TSGA10IP: variants seen among roughly 807,000 people sequenced by gnomAD.
TSGA10IP encodes testis specific 10 interacting protein.
TSGA10IP carries 64 observed loss-of-function variants against 63.2 expected under a neutral mutation model. The observed-to-expected ratio is 1.01, with a 90% CI of 0.83 to 1.25. TSGA10IP has a LOEUF of 1.25. Ranked by LOEUF, TSGA10IP falls within the 50% of genes most tolerant of loss-of-function variation. The pLI is 0.00. For synonymous variants in TSGA10IP, 316 were observed against 298.3 expected (o/e 1.06, Z -0.61); for missense variants, 681 against 710.1 (o/e 0.96, Z 0.47).
rs374886045 is a variant in TSGA10IP, at chr11:65,948,282, A to ATCCG, written c.1151+137_1151+138insGTCC. ...CATTCACCAAACTTTTGGATCATCC[A>ATCCG]TCCATCCATCCATCCATCCATCCAT... On this transcript the variant is annotated intron_variant, in intron 4 of 7. Coordinates refer to ENST00000532620, the Ensembl canonical transcript of TSGA10IP. 3,263 of 723,326 alleles carry ATCCG rather than the reference A, an allele frequency of 4.5e-3. 86 individuals carry two copies. In the African/African-American group the frequency reaches 0.054, roughly 12 times the overall value. The allele number at this position is 723,326 out of a possible 1,614,324, so 44.8% of individuals were successfully genotyped here.
At chr11:65,953,509 C>T (rs896703601) in intron 4 of TSGA10IP, 58 bp from the exon 5 acceptor site, 117 of 1,489,378 alleles carry the variant, frequency 7.9e-5, no homozygotes, top group Middle Eastern at 7.2e-4. Flanking sequence ...GCCCCTGGCC[C>T]TCCGTGAGGC....
chr11:65,952,573 C>G (rs1415902591), intron 4 of TSGA10IP, among the ~76,000 whole-genome samples: 1 of 152,036 alleles, frequency 6.6e-6, no homozygotes, highest in Non-Finnish European at 1.5e-5. Flanking sequence ...CTTAACCTCC[C>G]GAGTAGCTAG....
At chr11:65,954,135 G>A (rs555207251) in intron 5 of TSGA10IP, among the ~76,000 whole-genome samples, 6 of 151,478 alleles carry the variant, frequency 4.0e-5, no homozygotes, top group African/African-American at 1.2e-4. Flanking sequence ...GAAGAGTCGC[G>A]TTTTGTTCTC....
At chr11:65,953,804 T>C in intron 5 of TSGA10IP, 67 bp downstream of exon 5, 1 of 1,326,118 alleles carries the variant, frequency 7.5e-7, no homozygotes, top group Non-Finnish European at 9.9e-7. Flanking sequence ...GGTCTCAGTC[T>C]ACAGGACCGA....
exon 7 of TSGA10IP, chr11:65,959,297 C>T (rs777380389): frequency 3.2e-5 from 52 of 1,611,270 alleles, no homozygotes; most frequent in Non-Finnish European, 4.3e-5. Flanking sequence ...ACAGAGAGGG[C>T]ACCCCCAGGA....
intron 4 of TSGA10IP, among the ~76,000 whole-genome samples, chr11:65,953,064 CTT>C (rs1169430753): frequency 8.4e-6 from 1 of 119,138 alleles, no homozygotes; most frequent in Admixed American, 9.7e-5. Flanking sequence ...GAGTTTTGCT[CTT>C]GTTGCCCAGG....
chr11:65,956,401 T>C (rs1855025316), intron 5 of TSGA10IP, among the ~76,000 whole-genome samples: 1 of 152,010 alleles, frequency 6.6e-6, no homozygotes, highest in East Asian at 1.9e-4. Context: ...CCTCCCAAAG[T>C]GCTAGGATTA....
chr11:65,955,119 G>A lies in TSGA10IP; in HGVS notation c.1322+1382G>A, dbSNP rs141827232. Among the ~76,000 whole-genome samples the A allele has an allele frequency of 2.0e-4, 31 of 152,316 alleles. No individual in the cohort carries two copies. In the East Asian group the frequency reaches 5.8e-3, roughly 28 times the overall value. ...AGCCTAGCTGTGTATGCGGAACCCC[G>A]AGAAGTCCTTAGCTCCCTCCAAGGC... On this transcript the variant is annotated intron_variant, in intron 5 of 7. Transcript: ENST00000532620.
chr11:65,955,699 A>G (rs1831432347), intron 5 of TSGA10IP, among the ~76,000 whole-genome samples: 1 of 151,810 alleles, frequency 6.6e-6, no homozygotes, highest in East Asian at 1.9e-4. Flanking sequence ...GGCTTCATAC[A>G]AGGGGAAAAG....
intron 5 of TSGA10IP, among the ~76,000 whole-genome samples, chr11:65,954,962 G>A (rs1056461636): frequency 6.6e-6 from 1 of 152,194 alleles, no homozygotes; most frequent in African/African-American, 2.4e-5. Context: ...GTGGACCTGT[G>A]GTGGGCGCAT....
At chr11:65,950,559 A>AT (rs1479186131) in intron 4 of TSGA10IP, among the ~76,000 whole-genome samples, 8 of 142,644 alleles carry the variant, frequency 5.6e-5, no homozygotes, top group African/African-American at 2.2e-4. Context: ...ATGCCTGGCT[A>AT]ATTTTTTTTT....
exon 3 of TSGA10IP, chr11:65,947,553 T>G: frequency 6.2e-7 from 1 of 1,613,670 alleles, no homozygotes; most frequent in South Asian, 1.1e-5. Context: ...AGGGGGTCGA[T>G]CTCAGAGGAG....
intron 4 of TSGA10IP, 77 bp downstream of exon 4, chr11:65,948,225 C>A: frequency 2.0e-6 from 3 of 1,464,140 alleles, no homozygotes; most frequent in Non-Finnish European, 2.7e-6. Context: ...GATGCTTAGG[C>A]ATTTGAACTC....
At chr11:65,959,006 A>G (rs1161858535) in intron 6 of TSGA10IP, 24 bp downstream of exon 6, 5 of 1,610,730 alleles carry the variant, frequency 3.1e-6, no homozygotes, top group South Asian at 1.1e-5. Flanking sequence ...CTGGGCAAGC[A>G]CATAGCTGCC....
At chr11:65,952,053 C>T (rs1457988410) in intron 4 of TSGA10IP, among the ~76,000 whole-genome samples, 1 of 152,020 alleles carries the variant, frequency 6.6e-6, no homozygotes, top group African/African-American at 2.4e-5. Flanking sequence ...AGGGTTTCAC[C>T]ATGTTGGCCA....
exon 3 of TSGA10IP, chr11:65,947,560 G>C: frequency 1.2e-6 from 2 of 1,613,922 alleles, no homozygotes; most frequent in Non-Finnish European, 1.7e-6. Flanking sequence ...CGATCTCAGA[G>C]GAGGAGCAAT....
intron 5 of TSGA10IP, among the ~76,000 whole-genome samples, chr11:65,955,329 T>C (rs1855005892): frequency 6.6e-6 from 1 of 152,114 alleles, no homozygotes; most frequent in African/African-American, 2.4e-5. Context: ...TACTCGGCTG[T>C]ACGCCGTGGC....
chr11:65,947,079 C>A (rs750651592), intron 2 of TSGA10IP, 31 bp from the exon 3 acceptor site: 6 of 1,608,104 alleles, frequency 3.7e-6, no homozygotes, highest in Non-Finnish European at 3.4e-6. Context: ...GGGCTGGCGC[C>A]GACCCTGACC....
At position 65,959,175 on chromosome 11, in the gene TSGA10IP, C is replaced by A. The variant is rs778637522; in HGVS notation, c.1423-15C>A. The A allele has an allele frequency of 6.2e-7, 1 of 1,600,150 alleles. No homozygotes were observed. Reference sequence around the variant, plus strand: ...GCCCTGGTGCAGAGCAGGAAGCCGTCTTCTCTCTCCTCAGGCCAATGCCCG... The same window carrying A: ...GCCCTGGTGCAGAGCAGGAAGCCGTATTCTCTCTCCTCAGGCCAATGCCCG... On this transcript the variant is annotated splice_polypyrimidine_tract_variant and intron_variant, in intron 6 of 7. Transcript: ENST00000532620.
Sources: allele counts gnomAD v4.1 joint callset (sites outside exome capture counted in the v4.1 genomes callset), GRCh38; gene constraint gnomAD v4.1.1; transcripts MANE v1.5; gene names NCBI Gene and HGNC (gene_info 2026-07-23, HGNC 2026-07-21).